The following BFSP1 variants were observed in gnomAD, a reference collection of about 807,000 sequenced individuals.
The protein encoded by BFSP1 is filensin.
Under a neutral mutation model 43.9 loss-of-function variants are expected in BFSP1, and 38 were observed. The ratio of observed to expected loss-of-function variants is 0.87; its 90% CI spans 0.67 to 1.14. BFSP1 has a LOEUF of 1.14. BFSP1 is among the 50% of genes most tolerant of loss of function. The pLI is 0.00. For missense variants in BFSP1, 850 were observed against 875.1 expected, an observed-to-expected ratio of 0.97 and a Z score of 0.36; for synonymous variants, 352 against 354.8, an observed-to-expected ratio of 0.99 and a Z score of 0.09.
intron 5 of BFSP1, among the ~76,000 whole-genome samples, chr20:17,505,488 G>C (rs2033913198): frequency 1.3e-5 from 2 of 152,348 alleles, no homozygotes; most frequent in South Asian, 4.1e-4. Context: ...CCGCTGCCAC[G>C]GCCCTGGTGC....
At chr20:17,562,526 C>CAAAA (rs550158623), upstream of BFSP1, among the ~76,000 whole-genome samples, 4 of 48,010 alleles carry the variant, frequency 8.3e-5, no homozygotes, top group South Asian at 9.7e-4. Flanking sequence ...GACTCTGTCT[C>CAAAA]AAAAAAAAAA....
chr20:17,539,316 C>T (rs2034679385), intron 1 of BFSP1, among the ~76,000 whole-genome samples: 1 of 151,764 alleles, frequency 6.6e-6, no homozygotes, highest in Non-Finnish European at 1.5e-5. Context: ...TCTTGCTGTG[C>T]TGCTCAGGTG....
intron 1 of BFSP1, among the ~76,000 whole-genome samples, chr20:17,529,052 C>T (rs1358100611): frequency 2.2e-5 from 3 of 134,002 alleles, no homozygotes; most frequent in East Asian, 4.5e-4. Flanking sequence ...GAATATCTTA[C>T]ATGGTTAAAT....
In BFSP1 at chr20:17,510,053, A is replaced by G. The variant is rs542575435; in HGVS notation, c.628-1057T>C. On this transcript the variant is annotated intron_variant, in intron 4 of 7. Transcript: ENST00000377873. ...GGCTGCAGCAATGACATAGACATAC[A>G]GGAAAGTGACCGTCTAACTTGATTG... Among the ~76,000 whole-genome samples the G allele has an allele frequency of 6.6e-5, 10 of 152,340 alleles. No individual in the cohort carries two copies. In the South Asian group the frequency reaches 1.9e-3, roughly 28 times the overall value.
At chr20:17,558,128 GT>G (rs1241849042) in intron 1 of BFSP1, among the ~76,000 whole-genome samples, 1 of 144,906 alleles carries the variant, frequency 6.9e-6, no homozygotes, top group Non-Finnish European at 1.5e-5. Context: ...ATGGGGGGGG[GT>G]TTTACTCAGC....
intron 1 of BFSP1, among the ~76,000 whole-genome samples, chr20:17,556,551 A>G (rs1013753577): frequency 1.3e-5 from 2 of 152,080 alleles, no homozygotes; most frequent in Admixed American, 6.6e-5. Context: ...ACACAAAACT[A>G]TCTATTACTA....
chr20:17,520,210 G>GCGCCCC (rs201615265), intron 2 of BFSP1, among the ~76,000 whole-genome samples: 2 of 133,354 alleles, frequency 1.5e-5, no homozygotes, highest in Admixed American at 7.9e-5. Context: ...GTTTTAACGT[G>GCGCCCC]CCCCCCCACC....
intron 1 of BFSP1, chr20:17,558,586 T>C (rs1294504752): frequency 7.7e-7 from 1 of 1,294,360 alleles, no homozygotes. Context: ...GCAACCCGCT[T>C]GCTGTACCTT....
intron 6 of BFSP1, among the ~76,000 whole-genome samples, chr20:17,497,575 TATATACGTA>T (rs1568679652): frequency 4.8e-4 from 44 of 92,540 alleles, no homozygotes; most frequent in African/African-American, 2.2e-3. Flanking sequence ...TGTATATGTA[TATATACGTA>T]TATATATACG....
chr20:17,537,958 C>A (rs2034656276), intron 1 of BFSP1, among the ~76,000 whole-genome samples: 2 of 151,558 alleles, frequency 1.3e-5, no homozygotes, highest in Non-Finnish European at 2.9e-5. Flanking sequence ...TCTCTACCCC[C>A]AAAAATACAA....
chr20:17,546,356 A>G (rs1229950022), intron 1 of BFSP1, among the ~76,000 whole-genome samples: 10 of 152,150 alleles, frequency 6.6e-5, no homozygotes, highest in Admixed American at 6.6e-4. Context: ...CCATAATCCA[A>G]TCACGTGGGG....
At chr20:17,565,825 A>G (rs2035112188) in intron 1 of BFSP1, 1 of 152,220 alleles carries the variant, frequency 6.6e-6, no homozygotes, top group Admixed American at 6.5e-5. Flanking sequence ...TTTTTAAAAG[A>G]GACTACTGAC....
chr20:17,566,015 G>A (rs1346489303), intron 1 of BFSP1, among the ~76,000 whole-genome samples: 1 of 151,878 alleles, frequency 6.6e-6, no homozygotes, highest in East Asian at 1.9e-4. Context: ...CTACTCGGGA[G>A]GCTGAGGCAA....
At chr20:17,532,102 G>A (rs2034555336), upstream of BFSP1, among the ~76,000 whole-genome samples, 1 of 152,102 alleles carries the variant, frequency 6.6e-6, no homozygotes, top group South Asian at 2.1e-4. Context: ...TTTCTTGAAT[G>A]GAAAAAACAA....
intron 5 of BFSP1, among the ~76,000 whole-genome samples, chr20:17,499,902 C>T (rs1388110652): frequency 6.6e-6 from 1 of 152,072 alleles, no homozygotes; most frequent in Non-Finnish European, 1.5e-5. Flanking sequence ...GCCTGGGCAA[C>T]AGAGCAAGAC....
rs1029676502 is a variant in BFSP1, at chr20:17,556,149, T to C, written c.2+2539A>G. Among the ~76,000 whole-genome samples the C allele has an allele frequency of 3.3e-5, 5 of 152,192 alleles. No homozygotes were observed. The South Asian group carries it at 6.2e-4, about 19-fold the overall frequency. On this transcript the variant is annotated intron_variant, in intron 1 of 7. Transcript: ENST00000377868. ...AAATAAAGTTAGGTATCTCACAATATATAAAACTAATTCCAAATGAAATCT... is the reference window on the plus strand; with the variant it reads ...AAATAAAGTTAGGTATCTCACAATACATAAAACTAATTCCAAATGAAATCT...
At chr20:17,557,197 G>A (rs774315509) in intron 1 of BFSP1, among the ~76,000 whole-genome samples, 8 of 152,238 alleles carry the variant, frequency 5.3e-5, no homozygotes, top group Non-Finnish European at 1.2e-4. Context: ...GCCAGGCCGT[G>A]CAAAGGAGAA....
intron 1 of BFSP1, among the ~76,000 whole-genome samples, chr20:17,567,861 C>CA (rs796434004): frequency 0.027 from 1,572 of 57,916 alleles, 25 homozygotes; most frequent in East Asian, 0.14. Context: ...AACTCAGTCT[C>CA]AAAAAAAAAA....
At chr20:17,559,926 G>T (rs1223797888), upstream of BFSP1, among the ~76,000 whole-genome samples, 1 of 152,078 alleles carries the variant, frequency 6.6e-6, no homozygotes, top group African/African-American at 2.4e-5. Context: ...CGAAGGACTG[G>T]CAGTGGAAAT....
Sources: gnomAD v4.1 joint callset for allele counts (sites outside exome capture counted in the v4.1 genomes callset) on GRCh38, gnomAD v4.1.1 for gene constraint, MANE v1.5 for transcripts, NCBI Gene and HGNC (gene_info 2026-07-23, HGNC 2026-07-21) for gene names.